CYFIP1: variants seen among roughly 807,000 people sequenced by gnomAD.
The protein encoded by CYFIP1 is cytoplasmic FMR1-interacting protein 1.
CYFIP1 carries 58 observed loss-of-function variants against 163.5 expected under a neutral mutation model. That is an observed-to-expected ratio of 0.35 (90% confidence interval 0.29 to 0.44). The LOEUF is 0.44. Ranked by LOEUF, CYFIP1 falls within the 20% of genes least tolerant of loss-of-function variation. The pLI is 1.00. For synonymous variants in CYFIP1, 663 were observed against 660.7 expected (o/e 1.00, Z -0.05); for missense variants, 1,338 against 1,653.8 (o/e 0.81, Z 3.31).
At chr15:22,875,382 GT>G in intron 26 of CYFIP1, 111 bp from the exon 27 acceptor site, 1 of 899,042 alleles carries the variant, frequency 1.1e-6, no homozygotes, top group Non-Finnish European at 1.8e-6. Flanking sequence ...AACTCTGTAA[GT>G]TTATTTTATC....
At chr15:22,899,501 G>A (rs1376414003) in intron 22 of CYFIP1, among the ~76,000 whole-genome samples, 3 of 151,764 alleles carry the variant, frequency 2.0e-5, no homozygotes, top group African/African-American at 4.8e-5. Context: ...TCATGATTGT[G>A]AGTGAGTCTC....
intron 30 of CYFIP1, among the ~76,000 whole-genome samples, chr15:22,872,240 A>G (rs1446468028): frequency 1.3e-5 from 2 of 150,752 alleles, no homozygotes; most frequent in East Asian, 3.9e-4. Flanking sequence ...GATTGCAGTG[A>G]GCCAAGATCG....
chr15:22,916,371 C>T, intron 16 of CYFIP1, 106 bp downstream of exon 16: 1 of 835,752 alleles, frequency 1.2e-6, no homozygotes, highest in Non-Finnish European at 1.9e-6. Context: ...CGTCTGGGTG[C>T]ACCAAGGGAC....
chr15:22,898,999 C>CT (rs1566943073), intron 22 of CYFIP1, among the ~76,000 whole-genome samples: 2 of 149,346 alleles, frequency 1.3e-5, no homozygotes, highest in African/African-American at 4.9e-5. Flanking sequence ...GAGACTCTGT[C>CT]TAAAAAAAAA....
At chr15:22,894,863 T>TA (rs1183432475) in intron 22 of CYFIP1, among the ~76,000 whole-genome samples, 2,331 of 134,362 alleles carry the variant, frequency 0.017, 18 homozygotes, top group South Asian at 0.047. Flanking sequence ...ATTATATATT[T>TA]TATATATATA....
chr15:22,927,976 C>T lies in CYFIP1; in HGVS notation c.1163G>A (p.Arg388His), dbSNP rs1281237320. Residue 388 changes from arginine (R) to histidine (H), a missense_variant, in exon 12 of 31, where the codon CGC (arginine) becomes CAC (histidine). Coordinates refer to ENST00000617928, the MANE Select transcript of CYFIP1 (RefSeq NM_014608.6). ...CTGCAGCGCCAGGTCGAAGAGCTTG[C>T]GGTACTCCGCGTCCGTCTTCTGGGC... ...QEAQKTDAEY[R>H]KLFDLALQGL... 6 of 1,600,438 alleles carry T rather than the reference C, an allele frequency of 3.7e-6. No individual in the cohort carries two copies. The highest frequency in any genetic ancestry group is 3.4e-6 in the Non-Finnish European group (4 of 1,175,568).
At position 22,977,157 on chromosome 15, in the gene CYFIP1, C is replaced by A. The variant is rs562526369; in HGVS notation, c.-7+3130G>T. Among the ~76,000 whole-genome samples the A allele has an allele frequency of 5.9e-5, 9 of 152,014 alleles. No homozygotes were observed. In the South Asian group the frequency reaches 1.9e-3, roughly 32 times the overall value. Reference sequence around the variant, plus strand: ...GAGGTTGCGGTGGGCCGAGATCGCACCATTGCACTCTAGCCTGGGCAACAA... The same window carrying A: ...GAGGTTGCGGTGGGCCGAGATCGCAACATTGCACTCTAGCCTGGGCAACAA... On this transcript the variant is annotated intron_variant, in intron 1 of 30. Transcript: ENST00000617928.
At chr15:22,950,428 A>T (rs1388300470) in intron 1 of CYFIP1, among the ~76,000 whole-genome samples, 1 of 152,148 alleles carries the variant, frequency 6.6e-6, no homozygotes, top group Non-Finnish European at 1.5e-5. Flanking sequence ...CTCCCCAAGG[A>T]GCCAGAACAA....
At chr15:22,974,583 TAGTC>T (rs1201033139) in intron 1 of CYFIP1, among the ~76,000 whole-genome samples, 2 of 151,898 alleles carry the variant, frequency 1.3e-5, no homozygotes, top group African/African-American at 2.4e-5. Context: ...GCAAAAAAAT[TAGTC>T]AGGCTTGGTG....
chr15:22,974,325 AAT>A (rs1256788489), intron 1 of CYFIP1, among the ~76,000 whole-genome samples: 1 of 152,170 alleles, frequency 6.6e-6, no homozygotes, highest in Non-Finnish European at 1.5e-5. Flanking sequence ...TCACATCTGT[AAT>A]CCTAGCACTT....
At chr15:22,957,466 C>G (rs2062509554) in intron 1 of CYFIP1, among the ~76,000 whole-genome samples, 1 of 152,172 alleles carries the variant, frequency 6.6e-6, no homozygotes. Flanking sequence ...GAAACCCCAC[C>G]TCTACTAAAA....
intron 13 of CYFIP1, among the ~76,000 whole-genome samples, chr15:22,919,914 C>T (rs564691391): frequency 6.6e-6 from 1 of 151,688 alleles, no homozygotes; most frequent in African/African-American, 2.4e-5. Flanking sequence ...CCCAGCTACT[C>T]GGGAGGCTAA....
chr15:22,922,829 T>C (rs538776791), intron 13 of CYFIP1, among the ~76,000 whole-genome samples: 200 of 152,140 alleles, frequency 1.3e-3, no homozygotes, highest in African/African-American at 4.7e-3. Context: ...CTGTCTCTAC[T>C]AAAAATGCAA....
At chr15:22,872,375 T>TG (rs1395329870) in intron 30 of CYFIP1, among the ~76,000 whole-genome samples, 6 of 151,068 alleles carry the variant, frequency 4.0e-5, no homozygotes, top group Admixed American at 1.3e-4. Context: ...GTCTAACATA[T>TG]GTTTAACTGA....
At position 22,908,518 on chromosome 15, in the gene CYFIP1, C is replaced by CTTTTTTT. The variant is rs58565266; in HGVS notation, c.2388+669_2388+675dup. Among the ~76,000 whole-genome samples the CTTTTTTT allele has an allele frequency of 1.1e-3, 86 of 75,488 alleles. 7 individuals are homozygous for CTTTTTTT. Among genetic ancestry groups the CTTTTTTT allele is most frequent in the African/African-American group, 4.6e-3 (77 of 16,768 alleles). The allele number at this position is 75,488 out of a possible 152,430, so 49.5% of individuals were successfully genotyped here. ...CTCTTGGTCCCTAAAGAAGATATTT[C>CTTTTTTT]TTTTTTTTTTTTTTTTTTTTTTTTT... On this transcript the variant is annotated intron_variant, in intron 21 of 30. Transcript: ENST00000617928.
intron 29 of CYFIP1, 105 bp from the exon 30 acceptor site, chr15:22,873,077 CTG>C (rs2059482370): frequency 7.8e-7 from 1 of 1,281,178 alleles, no homozygotes. Context: ...GCATTACTGT[CTG>C]TGCCTACACA....
chr15:22,912,621 C>T (rs4457961), intron 17 of CYFIP1, among the ~76,000 whole-genome samples: 13 of 152,094 alleles, frequency 8.5e-5, no homozygotes, highest in Non-Finnish European at 1.6e-4. Flanking sequence ...TTCTTATTTC[C>T]AGAATGAACT....
intron 1 of CYFIP1, 23 bp from the exon 2 acceptor site, chr15:22,947,314 C>T (rs781780256): frequency 6.2e-7 from 1 of 1,607,050 alleles, no homozygotes; most frequent in Non-Finnish European, 8.5e-7. Context: ...ATAAGGACCC[C>T]TGTTCTGTGA....
chr15:22,947,815 T>G, intron 1 of CYFIP1: 1 of 391,786 alleles, frequency 2.6e-6, no homozygotes, highest in Non-Finnish European at 3.5e-6. Context: ...CAGGCTGAGA[T>G]TGCAAGGAGT....
Sources: gnomAD v4.1 joint callset for allele counts (sites outside exome capture counted in the v4.1 genomes callset) on GRCh38, gnomAD v4.1.1 for gene constraint, MANE v1.5 for transcripts, NCBI Gene and HGNC (gene_info 2026-07-23, HGNC 2026-07-21) for gene names.